TRIP10: variants seen among roughly 807,000 people sequenced by gnomAD.
TRIP10 encodes the protein cdc42-interacting protein 4.
Under a neutral mutation model 80.9 loss-of-function variants are expected in TRIP10, and 54 were observed. The observed-to-expected ratio is 0.67, with a 90% CI of 0.54 to 0.84. The LOEUF is 0.84. Ranked by LOEUF, TRIP10 falls within the 40% of genes least tolerant of loss-of-function variation. TRIP10 has a pLI of 0.00. For missense variants in TRIP10, 773 were observed against 815.3 expected (o/e 0.95, Z 0.63); for synonymous variants, 321 against 307.2 (o/e 1.04, Z -0.47).
At chr19:6,749,737 GTTA>G (rs1368862345) in intron 11 of TRIP10, among the ~76,000 whole-genome samples, 194 bp from the exon 12 acceptor site, 2 of 152,106 alleles carry the variant, frequency 1.3e-5, no homozygotes, top group Admixed American at 6.6e-5. Context: ...TATAGTCCCA[GTTA>G]CTCAGGAGGC....
intron 1 of TRIP10, chr19:6,740,677 TTCCGGAA>T (rs1012821329): frequency 4.7e-5 from 12 of 253,502 alleles, no homozygotes; most frequent in Admixed American, 4.0e-4. Flanking sequence ...CGGCCGGATT[TTCCGGAA>T]TCCGGGGGGA....
Position 6,745,137 on chromosome 19 carries a change from GAAGGAA to G in TRIP10, c.984+144_984+149del. 3 of 1,178,116 alleles carry G rather than the reference GAAGGAA, an allele frequency of 2.5e-6. No individual in the cohort carries two copies. The East Asian group carries it at 8.0e-5, about 32-fold the overall frequency. 73.0% of individuals were successfully genotyped at this position (1,178,116 alleles called of 1,614,324 possible). A position where few individuals can be genotyped will look rare whatever the true frequency, so the allele number is the denominator to read the frequency against. ...CTTGGCTGCCAGCCCGGACTGGAGG[GAAGGAA>G]GGCGGCCGATTGGCCTGGGAGTCCC... On this transcript the variant is annotated intron_variant, in intron 9 of 14. Coordinates refer to ENST00000313244, the MANE Select transcript of TRIP10 (RefSeq NM_001288962.2). This position sits in a 1 kb window ranked among gnomAD's most constrained non-coding sequence, Gnocchi z 7.2.
chr19:6,750,751 T>G (rs1379042344), intron 14 of TRIP10, 118 bp downstream of exon 14: 3 of 1,440,054 alleles, frequency 2.1e-6, no homozygotes, highest in Non-Finnish European at 2.8e-6. Context: ...ATCCCAGCAC[T>G]TTGGGAAGCT....
rs756132395 is a variant in TRIP10 at position 6,741,069 on chromosome 19, T to C, written c.84T>C (p.Tyr28=). Residue 28 remains tyrosine (Y), a synonymous_variant, in exon 2 of 15, where the codon TAT becomes TAC. Coordinates refer to ENST00000313244, the MANE Select transcript of TRIP10 (RefSeq NM_001288962.2). ...GGGGGCTGGACCTGTTGGACAGATATGTAAAGTTCGTGAAAGAACGCACCG... is the reference window on the plus strand; with the variant it reads ...GGGGGCTGGACCTGTTGGACAGATACGTAAAGTTCGTGAAAGAACGCACCG... ...TQWGLDLLDR[Y]VKFVKERTEV... The C allele has an allele frequency of 7.4e-6, 12 of 1,613,916 alleles. No individual in the cohort carries two copies. The highest frequency in any genetic ancestry group is 5.5e-5 in the South Asian group (5 of 91,090).
chr19:6,750,249 C>G (rs746555588), intron 12 of TRIP10, 43 bp from the exon 13 acceptor site: 9 of 1,608,960 alleles, frequency 5.6e-6, no homozygotes, highest in Middle Eastern at 1.7e-4. Context: ...GGGCTGACCC[C>G]GGAGCTCTGC....
intron 3 of TRIP10, among the ~76,000 whole-genome samples, chr19:6,742,413 G>T (rs1207094449): frequency 6.6e-6 from 1 of 151,894 alleles, no homozygotes; most frequent in Non-Finnish European, 1.5e-5. Context: ...TACGGTGTTT[G>T]ATTACAAAAT....
intron 6 of TRIP10, 25 bp downstream of exon 6, chr19:6,743,623 G>GGGGGGGGGGC: frequency 1.4e-6 from 2 of 1,438,138 alleles, no homozygotes; most frequent in South Asian, 1.2e-5. Context: ...GGCGGGGGGG[G>GGGGGGGGGGC]GGTGCGGGGT....
Position 6,745,218 on chromosome 19 carries a change from T to C in TRIP10, c.984+224T>C. The C allele has an allele frequency of 1.7e-6, 1 of 597,082 alleles. No homozygotes were observed. Among genetic ancestry groups the C allele is most frequent in the Non-Finnish European group, 2.8e-6 (1 of 356,098 alleles). The allele number at this position is 597,082 out of a possible 1,614,324, so 37.0% of individuals were successfully genotyped here. A position where few individuals can be genotyped will look rare whatever the true frequency, so the allele number is the denominator to read the frequency against. On this transcript the variant is annotated intron_variant, in intron 9 of 14. Coordinates refer to ENST00000313244, the MANE Select transcript of TRIP10 (RefSeq NM_001288962.2). The surrounding 1 kb of genome is among the most constrained non-coding windows in gnomAD (Gnocchi z 7.2). The stretch of plus-strand genomic sequence containing the variant: ...GGGGAGGTGGGGAGGTCCGTGGCGT[T>C]TGTCTGCTGCTTCTCGGGATGCTGG...
At chr19:6,749,371 A>G (rs1017539927) in intron 11 of TRIP10, among the ~76,000 whole-genome samples, 2 of 152,184 alleles carry the variant, frequency 1.3e-5, no homozygotes, top group Non-Finnish European at 2.9e-5. Flanking sequence ...CCCACATGAG[A>G]TATTAGGATC....
chr19:6,750,984 G>T (rs1969284248), intron 14 of TRIP10, 79 bp from the exon 15 acceptor site: 1 of 1,436,450 alleles, frequency 7.0e-7, no homozygotes, highest in Non-Finnish European at 9.1e-7. Context: ...CGAGAGCGAG[G>T]CTCTGTCTCA....
chr19:6,740,167 C>G (rs544143421), intron 1 of TRIP10, among the ~76,000 whole-genome samples: 4 of 152,300 alleles, frequency 2.6e-5, no homozygotes, highest in Admixed American at 2.0e-4. Context: ...GGGGAGGGGA[C>G]CCTCTGGTCA....
Position 6,743,765 on chromosome 19 carries a change from G to C in TRIP10, c.571G>C (p.Ala191Pro). The change falls in exon 7 of 15, where the codon GCG (alanine) becomes CCG (proline). Residue 191 changes from alanine (A) to proline (P), a missense_variant. Physicochemically the swap from Ala to Pro is conservative, Grantham distance 27. Coordinates refer to ENST00000313244, the MANE Select transcript of TRIP10 (RefSeq NM_001288962.2). ...GGCCGAAGAAAGCAAAAACGAATAT[G>C]CGGCTCAACTGCAGCGCTTCAACCG... ...HMAEESKNEY[A>P]AQLQRFNRDQ... is the part of the protein sequence containing the mutation. 1 of 1,614,052 alleles carries C rather than the reference G, an allele frequency of 6.2e-7. No individual in the cohort carries two copies.
intron 3 of TRIP10, among the ~76,000 whole-genome samples, chr19:6,741,899 C>G (rs1279928875): frequency 1.3e-5 from 2 of 151,978 alleles, no homozygotes; most frequent in African/African-American, 4.8e-5. Context: ...CTCACTGCAA[C>G]TTCCGCCTCC....
At position 6,744,559 on chromosome 19, in the gene TRIP10, C is replaced by G. The variant is rs1280239785; in HGVS notation, c.648C>G (p.Leu216=). ...FSQMPQIFDK[L]QDMDERRATR... ...CCTTGTCCCTGTCCTTACAGAAGCT[C>G]CAAGACATGGATGAACGCAGGGCCA... The change falls in exon 8 of 15, where the codon CTC becomes CTG. Residue 216 remains leucine, a synonymous_variant. Transcript: ENST00000313244. This position sits in a 1 kb window ranked among gnomAD's most constrained non-coding sequence, Gnocchi z 4.9. 1 of 1,614,138 alleles carries G rather than the reference C, an allele frequency of 6.2e-7. No individual in the cohort carries two copies. The highest frequency in any genetic ancestry group is 1.3e-5 in the African/African-American group (1 of 75,076).
At chr19:6,742,251 G>A (rs957110402) in intron 3 of TRIP10, among the ~76,000 whole-genome samples, 6 of 151,706 alleles carry the variant, frequency 4.0e-5, no homozygotes, top group South Asian at 2.1e-4. Context: ...TTAGCCAGGC[G>A]TTGTGGTGCG....
Position 6,750,024 on chromosome 19 carries a change from G to C in TRIP10, c.1353G>C (p.Leu451=). 2 of 1,613,434 alleles carry C rather than the reference G, an allele frequency of 1.2e-6. No individual in the cohort carries two copies. The highest frequency in any genetic ancestry group is 2.2e-5 in the East Asian group (1 of 44,826). ...ASLEPQIAET[L]SNIERLKLEV... ...TGGAGCCCCAGATCGCTGAAACCCT[G>C]AGCAACATTGAACGGCTGAAATTGG... The change falls in exon 12 of 15, where the codon CTG becomes CTC. Residue 451 remains leucine (L), a synonymous_variant. Transcript: ENST00000313244.
At chr19:6,743,874 G>A (rs1201067854) in intron 7 of TRIP10, 38 bp downstream of exon 7, 1 of 1,608,886 alleles carries the variant, frequency 6.2e-7, no homozygotes. Flanking sequence ...CTTCCCGAAA[G>A]CCTCCAAATG....
intron 3 of TRIP10, among the ~76,000 whole-genome samples, chr19:6,742,339 A>G (rs1345684404): frequency 1.3e-5 from 2 of 151,836 alleles, no homozygotes; most frequent in African/African-American, 4.8e-5. Flanking sequence ...GCAGTGAGCC[A>G]AGATCGCACC....
At chr19:6,741,178 G>T (rs368513356) in intron 2 of TRIP10, 47 bp from the exon 3 acceptor site, 2 of 1,613,374 alleles carry the variant, frequency 1.2e-6, no homozygotes, top group Non-Finnish European at 8.5e-7. Context: ...GACGGGGAGC[G>T]GTGGGAGGGC....
Sources: gnomAD v4.1 joint callset for allele counts (sites outside exome capture counted in the v4.1 genomes callset) on GRCh38, gnomAD v4.1.1 for gene constraint, Gnocchi (gnomAD v3.1) non-coding constraint, MANE v1.5 for transcripts, NCBI Gene and HGNC (gene_info 2026-07-23, HGNC 2026-07-21) for gene names.